INSRR: variants seen among roughly 807,000 people sequenced by gnomAD.
The protein encoded by INSRR is insulin receptor-related protein.
In INSRR, 114 loss-of-function variants were observed where a neutral mutation model predicts 130.0. That is an observed-to-expected ratio of 0.88 (90% CI 0.75 to 1.02). The LOEUF (loss-of-function observed/expected upper bound fraction) is 1.02, where lower values mean the gene tolerates loss of function less well. Among genes scored for constraint, INSRR ranks in the 50% least tolerant of loss-of-function variants. INSRR has a pLI of 0.00. For missense variants in INSRR, 1,657 were observed against 1,735.2 expected, an observed-to-expected ratio of 0.95 and a Z score of 0.80; for synonymous variants, 674 against 705.2, an observed-to-expected ratio of 0.96 and a Z score of 0.70.
intron 7 of INSRR, among the ~76,000 whole-genome samples, chr1:156,847,668 TG>T (rs1468209481): frequency 7.0e-6 from 1 of 142,760 alleles, no homozygotes; most frequent in African/African-American, 2.6e-5. Flanking sequence ...AGGAGCAGGT[TG>T]GGGGGGTGGG....
In INSRR at chr1:156,853,862, C is replaced by T. The variant is rs1655316265; in HGVS notation, c.527G>A (p.Cys176Tyr). 2 of 1,614,134 alleles carry T rather than the reference C, an allele frequency of 1.2e-6. No homozygotes were observed. The highest frequency in any genetic ancestry group is 4.5e-5 in the East Asian group (2 of 44,876). ...HIVGNKLGEE[C>Y]ADVCPGVLGA... ...CAGCACACCAGGGCACACGTCAGCA[C>T]ACTCCTCGCCCAGCTTGTTGCCCAC... is the stretch of plus-strand genomic sequence containing the variant. The change falls in exon 2 of 22, where the codon TGT becomes TAT. Residue 176 changes from cysteine (C) to tyrosine (Y), a missense_variant. Physicochemically the swap from Cys to Tyr is radical, Grantham distance 194. Transcript: ENST00000368195.
Position 156,843,059 on chromosome 1 carries a change from C to T in INSRR, c.3071G>A (p.Cys1024Tyr). Residue 1024 changes from cysteine (C) to tyrosine (Y), a missense_variant, in exon 17 of 22, where the codon TGC (cysteine) becomes TAC (tyrosine). Transcript: ENST00000368195. Reference sequence around the variant, plus strand: ...AGAAGCTTCCTTGAGGAACTCAATGCATTCCCGTGGGCTGGCCAGCTCATT... The same window carrying T: ...AGAAGCTTCCTTGAGGAACTCAATGTATTCCCGTGGGCTGGCCAGCTCATT... The part of the protein sequence containing the change: ...TVNELASPRE[C>Y]IEFLKEASVM... 1 of 1,614,216 alleles carries T rather than the reference C, an allele frequency of 6.2e-7. No individual in the cohort carries two copies. Among genetic ancestry groups the T allele is most frequent in the Non-Finnish European group, 8.5e-7 (1 of 1,180,050 alleles).
chr1:156,841,789 C>T lies in INSRR; in HGVS notation c.3403G>A (p.Gly1135Arg), dbSNP rs780240706. The T allele has an allele frequency of 8.1e-6, 13 of 1,614,148 alleles. No individual in the cohort carries two copies. Among genetic ancestry groups the T allele is most frequent in the South Asian group, 1.1e-5 (1 of 91,082 alleles). ...QDFTVKIGDF[G>R]MTRDVYETDY... is the part of the protein sequence containing the mutation. ...GTCTCATACACGTCCCGAGTCATCC[C>T]GAAGTCTGGAAAGTGAGGGTGAGGG... The change falls in exon 20 of 22, where the codon GGG (glycine) becomes AGG (arginine). Residue 1135 changes from glycine (G) to arginine (R), a missense_variant. Transcript: ENST00000368195.
At chr1:156,847,314 C>T (rs987270079) in intron 7 of INSRR, among the ~76,000 whole-genome samples, 11 of 152,320 alleles carry the variant, frequency 7.2e-5, no homozygotes, top group African/African-American at 2.4e-4. Flanking sequence ...AGACCCACTG[C>T]CACAGGGAAA....
chr1:156,850,936 C>A (rs1316117549), intron 5 of INSRR, among the ~76,000 whole-genome samples: 1 of 152,178 alleles, frequency 6.6e-6, no homozygotes, highest in Non-Finnish European at 1.5e-5. Context: ...GTTTCAAACC[C>A]AGGCAGTCTT....
Position 156,842,986 on chromosome 1 carries a change from C to A in INSRR, c.3126+18G>T, listed in dbSNP as rs748643091. On this transcript the variant is annotated intron_variant, in intron 17 of 21. Transcript: ENST00000368195. ...TACACTAATTATGACCCTGACAATG[C>A]CCTTGGCTCTCCCTTACCACATGGT... is the stretch of plus-strand genomic sequence containing the variant. 2 of 1,584,048 alleles carry A rather than the reference C, an allele frequency of 1.3e-6. No homozygotes were observed. Among genetic ancestry groups the A allele is most frequent in the Middle Eastern group, 1.7e-4 (1 of 6,000 alleles).
chr1:156,850,530 CATTCTTTTTTTTTT>C (rs1339063993), intron 5 of INSRR, among the ~76,000 whole-genome samples: 2 of 107,150 alleles, frequency 1.9e-5, no homozygotes, highest in African/African-American at 7.7e-5. Context: ...TAATTTAAAA[CATTCTTTTTTTTTT>C]TTTTTTTTTT....
rs150399755 is a variant in INSRR at position 156,854,073 on chromosome 1, C to G, written c.316G>C (p.Gly106Arg). 115 of 1,613,962 alleles carry G rather than the reference C, an allele frequency of 7.1e-5. No homozygotes were observed. The highest frequency in any genetic ancestry group is 9.3e-5 in the Non-Finnish European group (110 of 1,180,056). The change falls in exon 2 of 22, where the codon GGG becomes CGG. Residue 106 changes from glycine (G) to arginine (R), a missense_variant. Physicochemically the swap from Gly to Arg is moderately radical, Grantham distance 125 (BLOSUM62 -2). Coordinates refer to ENST00000368195, the MANE Select transcript of INSRR (RefSeq NM_014215.3). The surrounding 1 kb of genome is among the most constrained non-coding windows in gnomAD (Gnocchi z 4.2). ...GCATAGCCCAGGAAGAGGCGCGTCCCGCGGATGACTGCTAGGTTGGGGAAG... is the reference window on the plus strand; with the variant it reads ...GCATAGCCCAGGAAGAGGCGCGTCCGGCGGATGACTGCTAGGTTGGGGAAG... ...DLFPNLAVIRGTRLFLGYALV... is the reference protein window; with the variant it reads ...DLFPNLAVIRRTRLFLGYALV...
chr1:156,843,486 C>G lies in INSRR; in HGVS notation c.2844-7G>C. 2 of 1,614,086 alleles carry G rather than the reference C, an allele frequency of 1.2e-6. No homozygotes were observed. ...AGCATACAGGGTTCTGTTTCTGCAA[C>G]GGGAGGTGAGGGGGTCAGGCTGGAA... On this transcript the variant is annotated splice_region_variant and splice_polypyrimidine_tract_variant and intron_variant, in intron 15 of 21. Coordinates refer to ENST00000368195, the MANE Select transcript of INSRR (RefSeq NM_014215.3).
In INSRR at chr1:156,841,171, C is replaced by T. The variant is rs1654766453; in HGVS notation, c.3663-67G>A. 1.4e-5 allele frequency: 18 copies of T among 1,272,506 alleles called. 1 individual carries two copies. In the South Asian group the frequency reaches 2.3e-4, roughly 16 times the overall value. 78.8% of individuals were successfully genotyped at this position (1,272,506 alleles called of 1,614,324 possible). On this transcript the variant is annotated intron_variant, in intron 21 of 21. Transcript: ENST00000368195. ...CCTGCCACGCTCTCAGCCTCCTGCACTGAGGGTCAGTTGGTGGGAGTGGGG... is the reference window on the plus strand; with the variant it reads ...CCTGCCACGCTCTCAGCCTCCTGCATTGAGGGTCAGTTGGTGGGAGTGGGG...
chr1:156,841,515 CCA>C lies in INSRR; in HGVS notation c.3539_3540del (p.Val1180GlyfsTer19). The C allele has an allele frequency of 6.2e-7, 1 of 1,613,994 alleles. No homozygotes were observed. Among genetic ancestry groups the C allele is most frequent in the Non-Finnish European group, 8.5e-7 (1 of 1,179,984 alleles). The part of the protein sequence containing the change: ...TTHSDVWSFG[V>X]VLWEIVTLAE... Reference sequence around the variant, plus strand: ...GCCAGGGTCACAATCTCCCAGAGTACCACGCCAAAGGACCTGGGGGCATGCAG... The same window carrying C: ...GCCAGGGTCACAATCTCCCAGAGTACCGCCAAAGGACCTGGGGGCATGCAG... On this transcript the variant is annotated frameshift_variant, in exon 21 of 22. Coordinates refer to ENST00000368195, the MANE Select transcript of INSRR (RefSeq NM_014215.3). LOFTEE classifies it high-confidence loss of function.
At position 156,851,964 on chromosome 1, in the gene INSRR, G is replaced by T; in HGVS notation, c.865C>A (p.Arg289Ser). 1 of 1,607,776 alleles carries T rather than the reference G, an allele frequency of 6.2e-7. No homozygotes were observed. The highest frequency in any genetic ancestry group is 1.1e-5 in the South Asian group (1 of 90,922). The part of the protein sequence containing the change: ...RCASLHSVPG[R>S]ASTFGIHQGS... ...TGGTGTATGCCGAAGGTGGAGGCAC[G>T]GCCGGGCACAGAGTGCAGGCTGGCA... The change falls in exon 3 of 22, where the codon CGT (arginine) becomes AGT (serine). Residue 289 changes from arginine (R) to serine (S), a missense_variant. Arg to Ser is a moderately radical substitution (Grantham distance 110, BLOSUM62 -1). Transcript: ENST00000368195.
At chr1:156,855,212 T>C (rs4661064) in intron 1 of INSRR, among the ~76,000 whole-genome samples, 157 of 28,578 alleles carry the variant, frequency 5.5e-3, no homozygotes, top group African/African-American at 0.013. Context: ...ATCTATCTAT[T>C]TATTTATTTG....
Position 156,858,837 on chromosome 1 carries a change from CAG to C in INSRR, c.-218_-217del. 1.7e-6 allele frequency: 1 copy of C among 584,814 alleles called. No individual in the cohort carries two copies. 36.2% of individuals were successfully genotyped at this position (584,814 alleles called of 1,614,324 possible). A position where few individuals can be genotyped will look rare whatever the true frequency, so the allele number is the denominator to read the frequency against. Reference sequence around the variant, plus strand: ...AAAGACAGTGACAGGCAGTTGGAGACAGAGAGACTCAGCATGAGATTGAGAGA... The same window carrying C: ...AAAGACAGTGACAGGCAGTTGGAGACAGAGACTCAGCATGAGATTGAGAGA... On this transcript the variant is annotated 5_prime_UTR_variant, in exon 1 of 22. It introduces an in-frame stop codon into an upstream open reading frame of the 5' UTR. Coordinates refer to ENST00000368195, the MANE Select transcript of INSRR (RefSeq NM_014215.3).
chr1:156,844,125 T>C (rs1325911283), intron 15 of INSRR, 50 bp downstream of exon 15: 1 of 1,357,412 alleles, frequency 7.4e-7, no homozygotes, highest in East Asian at 2.3e-5. Context: ...GACTTTATGA[T>C]GAGGGCTCAG....
At chr1:156,848,257 C>T (rs1296433114) in intron 7 of INSRR, among the ~76,000 whole-genome samples, 1 of 152,170 alleles carries the variant, frequency 6.6e-6, no homozygotes, top group Non-Finnish European at 1.5e-5. Flanking sequence ...TTTTAATTCA[C>T]AGGAAATGCT....
At chr1:156,844,910 C>A in intron 12 of INSRR, 67 bp from the exon 13 acceptor site, 2 of 1,597,068 alleles carry the variant, frequency 1.3e-6, no homozygotes, top group Non-Finnish European at 1.7e-6. Context: ...CAAACCCAAG[C>A]TAAACTGGGC....
intron 17 of INSRR, 105 bp from the exon 18 acceptor site, chr1:156,842,613 C>T (rs1054315854): frequency 1.3e-6 from 1 of 784,656 alleles, no homozygotes; most frequent in East Asian, 2.7e-5. Context: ...CCAAACCTGA[C>T]CCTAACCCCA....
chr1:156,858,599 G>A lies in INSRR; in HGVS notation c.23C>T (p.Pro8Leu). ...GATCACAGGCAGGCATGCTCCCCAG[G>A]GCCACAGACTAGGCACTGCCATTGT... MAVPSLWPWGACLPVIFL... is the reference protein window; with the variant it reads MAVPSLWLWGACLPVIFL... Residue 8 changes from proline to leucine, a missense_variant, in exon 1 of 22, where the codon CCC becomes CTC. Coordinates refer to ENST00000368195, the MANE Select transcript of INSRR (RefSeq NM_014215.3). The A allele has an allele frequency of 2.5e-6, 4 of 1,614,058 alleles. No individual in the cohort carries two copies. In the South Asian group the frequency reaches 4.4e-5, roughly 18 times the overall value.
Sources: allele counts gnomAD v4.1 joint callset (sites outside exome capture counted in the v4.1 genomes callset), GRCh38; gene constraint gnomAD v4.1.1; non-coding constraint Gnocchi (gnomAD v3.1); transcripts MANE v1.5; gene names NCBI Gene and HGNC (gene_info 2026-07-23, HGNC 2026-07-21).